ALS2: variants seen among roughly 807,000 people sequenced by gnomAD.
ALS2 encodes the protein alsin.
A neutral mutation model predicts 203.4 loss-of-function variants in ALS2; 117 were observed. That is an observed-to-expected ratio of 0.58 (90% CI 0.50 to 0.67). ALS2 has a LOEUF of 0.67. Among genes scored for constraint, ALS2 ranks in the 30% least tolerant of loss-of-function variants. ALS2 has a pLI of 0.00. For missense variants in ALS2, 1,715 were observed against 1,989.4 expected, an observed-to-expected ratio of 0.86 and a Z score of 2.62; for synonymous variants, 718 against 725.9, an observed-to-expected ratio of 0.99 and a Z score of 0.17.
intron 19 of ALS2, 127 bp downstream of exon 19, chr2:201,726,357 G>A: frequency 2.3e-6 from 2 of 862,946 alleles, no homozygotes; most frequent in Admixed American, 1.9e-5. Context: ...GCTCATACAT[G>A]TGCATTTCTA....
intron 21 of ALS2, among the ~76,000 whole-genome samples, chr2:201,723,978 C>T (rs774189915): frequency 6.6e-6 from 1 of 151,996 alleles, no homozygotes; most frequent in South Asian, 2.1e-4. Flanking sequence ...ATTAACTGGG[C>T]GTGGTGGTGT....
intron 1 of ALS2, among the ~76,000 whole-genome samples, chr2:201,777,971 C>T (rs2106120262): frequency 6.6e-6 from 1 of 152,202 alleles, no homozygotes; most frequent in East Asian, 1.9e-4. Context: ...AGTTGGATTG[C>T]TCTACTTTAT....
At chr2:201,744,921 T>C (rs546370160) in intron 9 of ALS2, among the ~76,000 whole-genome samples, 2 of 152,332 alleles carry the variant, frequency 1.3e-5, no homozygotes, top group South Asian at 4.1e-4. Flanking sequence ...TAACCTGCCT[T>C]TTGTACAATG....
chr2:201,717,151 G>C (rs1690455470), intron 24 of ALS2, among the ~76,000 whole-genome samples: 1 of 151,966 alleles, frequency 6.6e-6, no homozygotes, highest in African/African-American at 2.4e-5. Context: ...AAATCAAGTT[G>C]TGTACAGATT....
intron 1 of ALS2, among the ~76,000 whole-genome samples, chr2:201,776,773 C>T (rs957953906): frequency 8.5e-5 from 13 of 152,154 alleles, no homozygotes; most frequent in African/African-American, 3.1e-4. Context: ...AGGAAATACA[C>T]ATACTAAAAA....
intron 16 of ALS2, among the ~76,000 whole-genome samples, 162 bp downstream of exon 16, chr2:201,727,541 TTA>T (rs1451064631): frequency 3.3e-5 from 5 of 152,320 alleles, no homozygotes; most frequent in African/African-American, 1.2e-4. Context: ...GGCCATTTTA[TTA>T]TCAATAGACT....
chr2:201,712,722 A>C (rs545684254), intron 25 of ALS2, among the ~76,000 whole-genome samples: 1 of 151,974 alleles, frequency 6.6e-6, no homozygotes, highest in Admixed American at 6.6e-5. Context: ...AAGTTAAAGA[A>C]GAAAGGCAGA....
chr2:201,762,029 T>C (rs1233544840), intron 3 of ALS2, among the ~76,000 whole-genome samples: 3 of 152,222 alleles, frequency 2.0e-5, no homozygotes, highest in Non-Finnish European at 2.9e-5. Flanking sequence ...TTCTGCACTA[T>C]AGTGAGAATT....
chr2:201,761,106 T>C lies in ALS2; in HGVS notation c.888A>G (p.Ala296=). Residue 296 remains alanine, a synonymous_variant, in exon 4 of 34, where the codon GCA becomes GCG. Transcript: ENST00000264276. ...GTTCAGTAGCAACAGACTGATCATT[T>C]GCTACAAGAGTGTTCTCAAATACTT... is the stretch of plus-strand genomic sequence containing the variant. ...QEEVFENTLV[A]NDQSVATELN... is the part of the protein sequence containing the mutation. 6.2e-7 allele frequency: 1 copy of C among 1,614,244 alleles called. No homozygotes were observed. Among genetic ancestry groups the C allele is most frequent in the Non-Finnish European group, 8.5e-7 (1 of 1,180,042 alleles).
intron 12 of ALS2, among the ~76,000 whole-genome samples, chr2:201,738,008 A>G (rs562023139): frequency 6.6e-6 from 1 of 152,260 alleles, no homozygotes; most frequent in African/African-American, 2.4e-5. Context: ...CTATTAAAAT[A>G]CAGAATTTTT....
intron 13 of ALS2, among the ~76,000 whole-genome samples, chr2:201,732,113 T>C (rs1257433115): frequency 1.3e-5 from 2 of 152,172 alleles, no homozygotes; most frequent in African/African-American, 4.8e-5. Flanking sequence ...TAAAGCTAGA[T>C]CAGTTTAAAG....
Position 201,744,416 on chromosome 2 carries a change from C to T in ALS2, c.2012G>A (p.Ser671Asn). The change falls in exon 10 of 34, where the codon AGC becomes AAC. Residue 671 changes from serine to asparagine, a missense_variant. Around this residue, in one of 3 missense-constraint regions of ALS2, gnomAD observed 1,227 missense variants for 1,413.5 expected, o/e 0.87. Transcript: ENST00000264276. Reference sequence around the variant, plus strand: ...GCTATCTTTTCCTGCTGTCACTCTGCTTATATATCCAAGCTGAAACAGAAG... The same window carrying T: ...GCTATCTTTTCCTGCTGTCACTCTGTTTATATATCCAAGCTGAAACAGAAG... ...LLSCSKLGYI[S>N]RVTAGKDSYL... 6.2e-7 allele frequency: 1 copy of T among 1,613,908 alleles called. No homozygotes were observed. The highest frequency in any genetic ancestry group is 1.1e-5 in the South Asian group (1 of 91,082).
chr2:201,760,819 A>G (rs1192417997), intron 4 of ALS2, 62 bp downstream of exon 4: 2 of 1,526,326 alleles, frequency 1.3e-6, no homozygotes, highest in Admixed American at 2.2e-5. Flanking sequence ...TAAAGTTTCT[A>G]AAGAAAAGCC....
chr2:201,757,952 C>G (rs1469604054), intron 4 of ALS2, among the ~76,000 whole-genome samples, 193 bp from the exon 5 acceptor site: 5 of 152,160 alleles, frequency 3.3e-5, no homozygotes, highest in Non-Finnish European at 7.3e-5. Flanking sequence ...AATGAGTACT[C>G]AAAATACAGT....
chr2:201,751,816 T>C (rs1292012737), intron 7 of ALS2, among the ~76,000 whole-genome samples: 2 of 152,142 alleles, frequency 1.3e-5, no homozygotes, highest in Non-Finnish European at 2.9e-5. Flanking sequence ...CACCCAGAAT[T>C]AGAATATGTA....
chr2:201,764,730 A>G (rs986272475), intron 3 of ALS2, among the ~76,000 whole-genome samples: 2 of 152,124 alleles, frequency 1.3e-5, no homozygotes, highest in African/African-American at 4.8e-5. Flanking sequence ...GCTAATGGTC[A>G]TATTTAATAG....
intron 25 of ALS2, 140 bp downstream of exon 25, chr2:201,715,532 G>A (rs1271496381): frequency 4.3e-6 from 4 of 939,254 alleles, no homozygotes; most frequent in African/African-American, 3.3e-5. Flanking sequence ...GATAAAGAAA[G>A]TGTGTTTTAA....
chr2:201,761,184 G>A lies in ALS2; in HGVS notation c.810C>T (p.Asn270=). ...GVTLTESQAE[N]HASTALSPST... ...AGGGGCTGAGAGCAGTGCTGGCATGGTTTTCTGCCTGAGATTCTGTCAGTG... is the reference window on the plus strand; with the variant it reads ...AGGGGCTGAGAGCAGTGCTGGCATGATTTTCTGCCTGAGATTCTGTCAGTG... Residue 270 remains asparagine (N), a synonymous_variant, in exon 4 of 34, where the codon AAC becomes AAT. Coordinates refer to ENST00000264276, the MANE Select transcript of ALS2 (RefSeq NM_020919.4). 1 of 1,614,198 alleles carries A rather than the reference G, an allele frequency of 6.2e-7. No individual in the cohort carries two copies. Among genetic ancestry groups the A allele is most frequent in the East Asian group, 2.2e-5 (1 of 44,886 alleles).
intron 12 of ALS2, among the ~76,000 whole-genome samples, chr2:201,733,748 A>G (rs1259741516): frequency 6.6e-6 from 1 of 152,222 alleles, no homozygotes; most frequent in Non-Finnish European, 1.5e-5. Flanking sequence ...AGCTGACACC[A>G]TTACCTGTTA....
Sources: gnomAD v4.1 joint callset for allele counts (sites outside exome capture counted in the v4.1 genomes callset) on GRCh38, gnomAD v4.1.1 for gene constraint, gnomAD v4.1.1 regional missense constraint, MANE v1.5 for transcripts, NCBI Gene and HGNC (gene_info 2026-07-23, HGNC 2026-07-21) for gene names.